The following MCC variants were observed in gnomAD, a reference collection of about 807,000 sequenced individuals.
The protein encoded by MCC is colorectal mutant cancer protein.
A neutral mutation model predicts 116.2 loss-of-function variants in MCC; 90 were observed. The ratio of observed to expected loss-of-function variants is 0.77; its 90% CI spans 0.65 to 0.92. The LOEUF (loss-of-function observed/expected upper bound fraction) is 0.92, where lower values mean the gene tolerates loss of function less well. Among genes scored for constraint, MCC ranks in the 40% least tolerant of loss-of-function variants. MCC has a pLI of 0.00. For synonymous variants in MCC, 578 were observed against 510.5 expected (o/e 1.13, Z -1.78); for missense variants, 1,516 against 1,312.2 (o/e 1.16, Z -2.40).
At chr5:113,049,943 C>T (rs929838843) in intron 15 of MCC, among the ~76,000 whole-genome samples, 6 of 152,208 alleles carry the variant, frequency 3.9e-5, no homozygotes, top group African/African-American at 1.4e-4. Flanking sequence ...ATCCTAAGAA[C>T]TCAAATGAGA....
In MCC at chr5:113,045,574, T is replaced by G. The variant is rs574913718; in HGVS notation, c.2656-1944A>C. On this transcript the variant is annotated intron_variant, in intron 16 of 18. Transcript: ENST00000408903. ...CAGCACTTTGGGAGGCCAAGGCAGG[T>G]AGATCACTTGATGTCAGGAGTTTGA... Among the ~76,000 whole-genome samples the G allele has an allele frequency of 6.1e-3, 927 of 152,146 alleles. 11 individuals carry two copies. The highest frequency in any genetic ancestry group is 0.021 in the African/African-American group (861 of 41,498).
At chr5:113,446,241 G>A (rs1302423998) in intron 1 of MCC, among the ~76,000 whole-genome samples, 2 of 152,038 alleles carry the variant, frequency 1.3e-5, no homozygotes, top group African/African-American at 4.8e-5. Context: ...CAAAAAAATT[G>A]ACAAGCATGA....
intron 3 of MCC, among the ~76,000 whole-genome samples, chr5:113,253,630 A>T (rs1764885578): frequency 6.6e-6 from 1 of 152,186 alleles, no homozygotes; most frequent in South Asian, 2.1e-4. Flanking sequence ...TCCTTCAGGC[A>T]TCCATATGGA....
intron 3 of MCC, among the ~76,000 whole-genome samples, chr5:113,317,766 G>T (rs185269865): frequency 6.6e-6 from 1 of 152,230 alleles, no homozygotes; most frequent in Admixed American, 6.5e-5. Context: ...AACAATGCCA[G>T]TGTGGATGGG....
In MCC at chr5:113,340,565, T is replaced by G. The variant is rs771956400; in HGVS notation, c.581A>C (p.His194Pro). 57 of 1,614,044 alleles carry G rather than the reference T, an allele frequency of 3.5e-5. No homozygotes were observed. The highest frequency in any genetic ancestry group is 4.7e-5 in the Non-Finnish European group (56 of 1,180,010). The stretch of plus-strand genomic sequence containing the variant: ...GCTTCCTCCTACAGAGTTGCCAATG[T>G]GCGGGGACTGTGTGAGCAGTTTGTG... ...ALHKLLTQSP[H>P]IGNSVGGSYL... Residue 194 changes from histidine to proline, a missense_variant, in exon 3 of 19, where the codon CAC becomes CCC. Physicochemically the swap from His to Pro is moderately conservative, Grantham distance 77 (BLOSUM62 -2). Coordinates refer to ENST00000408903, the MANE Select transcript of MCC (RefSeq NM_001085377.2).
At chr5:113,215,567 G>A (rs968133858) in intron 3 of MCC, among the ~76,000 whole-genome samples, 3 of 152,106 alleles carry the variant, frequency 2.0e-5, no homozygotes, top group African/African-American at 7.2e-5. Flanking sequence ...TTCATGGGCT[G>A]GCGGGGGAGG....
intron 2 of MCC, among the ~76,000 whole-genome samples, chr5:113,350,479 G>A (rs1768241859): frequency 6.6e-6 from 1 of 151,922 alleles, no homozygotes; most frequent in Admixed American, 6.6e-5. Flanking sequence ...TGGGAAAACT[G>A]GTATCTTATT....
In MCC at chr5:113,053,804, T is replaced by C. The variant is rs753158841; in HGVS notation, c.2369A>G (p.Tyr790Cys). ...GCTGTCTCCCCGAGGCTTGACGTCA[T>C]AGCTGAGAGGATCGATGTGGATGCT... Reference protein sequence around the residue: ...LESIHIDPLSYDVKPRGDSQR... With the variant: ...LESIHIDPLSCDVKPRGDSQR... The change falls in exon 15 of 19, where the codon TAT becomes TGT. Residue 790 changes from tyrosine (Y) to cysteine (C), a missense_variant. By Grantham distance (194) the Tyr-to-Cys change is radical (BLOSUM62 -2). Coordinates refer to ENST00000408903, the MANE Select transcript of MCC (RefSeq NM_001085377.2). 3.7e-6 allele frequency: 6 copies of C among 1,614,054 alleles called. No homozygotes were observed. The highest frequency in any genetic ancestry group is 2.2e-5 in the East Asian group (1 of 44,896).
chr5:113,341,548 T>C (rs1206798868), intron 2 of MCC, among the ~76,000 whole-genome samples: 2 of 152,180 alleles, frequency 1.3e-5, no homozygotes, highest in African/African-American at 4.8e-5. Flanking sequence ...ATTTTCCAGT[T>C]AGGGATAGCA....
intron 1 of MCC, among the ~76,000 whole-genome samples, chr5:113,419,216 T>G (rs1580352183): frequency 6.7e-6 from 1 of 150,340 alleles, no homozygotes. Context: ...CAGGCTGGAG[T>G]GTGGAGTGCA....
At chr5:113,393,239 T>C (rs1460448869) in intron 1 of MCC, among the ~76,000 whole-genome samples, 3 of 152,164 alleles carry the variant, frequency 2.0e-5, no homozygotes, top group Admixed American at 6.5e-5. Context: ...TTCTCTGCAA[T>C]CTGGGTATGG....
intron 3 of MCC, among the ~76,000 whole-genome samples, chr5:113,332,080 T>A (rs1767710128): frequency 6.6e-6 from 1 of 151,804 alleles, no homozygotes; most frequent in African/African-American, 2.4e-5. Flanking sequence ...AGTAAATATT[T>A]CGAAATCTCC....
chr5:113,294,253 G>T, intron 3 of MCC: 1 of 1,595,400 alleles, frequency 6.3e-7, no homozygotes, highest in Non-Finnish European at 8.6e-7. Context: ...GGGCTGTGGG[G>T]AGGTCGAGGG....
intron 11 of MCC, among the ~76,000 whole-genome samples, chr5:113,080,161 T>C (rs1754750515): frequency 6.6e-6 from 1 of 152,236 alleles, no homozygotes; most frequent in African/African-American, 2.4e-5. Context: ...CAACAGGTGC[T>C]GGAAAGGATG....
chr5:113,060,567 T>C (rs1034719760), intron 14 of MCC, among the ~76,000 whole-genome samples: 14 of 152,216 alleles, frequency 9.2e-5, no homozygotes, highest in African/African-American at 3.4e-4. Flanking sequence ...GTGAGAGTCC[T>C]AGAATGGAGA....
intron 6 of MCC, 49 bp from the exon 7 acceptor site, chr5:113,104,404 T>A: frequency 6.6e-7 from 1 of 1,525,826 alleles, no homozygotes; most frequent in Non-Finnish European, 8.9e-7. Flanking sequence ...ACAAATGCTG[T>A]CTGTTTTGCT....
chr5:113,106,891 C>A (rs1243850943), intron 6 of MCC, among the ~76,000 whole-genome samples: 1 of 152,196 alleles, frequency 6.6e-6, no homozygotes, highest in Non-Finnish European at 1.5e-5. Context: ...AGCTCAAATG[C>A]TATCTCCCCA....
intron 3 of MCC, among the ~76,000 whole-genome samples, chr5:113,271,018 T>C (rs1765598252): frequency 2.6e-5 from 4 of 152,196 alleles, no homozygotes; most frequent in African/African-American, 7.2e-5. Context: ...TTTCTATCAA[T>C]TTACCTAGAT....
intron 3 of MCC, among the ~76,000 whole-genome samples, chr5:113,330,728 G>C (rs1767678199): frequency 6.6e-6 from 1 of 152,194 alleles, no homozygotes; most frequent in Non-Finnish European, 1.5e-5. Context: ...CAGGTGTCTA[G>C]ATATGGGACC....
Sources: gnomAD v4.1 joint callset for allele counts (sites outside exome capture counted in the v4.1 genomes callset) on GRCh38, gnomAD v4.1.1 for gene constraint, MANE v1.5 for transcripts, NCBI Gene and HGNC (gene_info 2026-07-23, HGNC 2026-07-21) for gene names.